CSMD1: variants seen among roughly 807,000 people sequenced by gnomAD.
CSMD1 encodes CUB and Sushi multiple domains 1.
A neutral mutation model predicts 417.5 loss-of-function variants in CSMD1; 213 were observed. The observed-to-expected ratio is 0.51, with a 90% CI of 0.46 to 0.57. The LOEUF (loss-of-function observed/expected upper bound fraction) is 0.57, where lower values mean the gene tolerates loss of function less well. Ranked by LOEUF, CSMD1 falls within the 20% of genes least tolerant of loss-of-function variation. The probability of loss-of-function intolerance (pLI) is 0.00; values close to 1 mark genes in which losing one functional copy is unlikely to be tolerated. For synonymous variants in CSMD1, 2,862 were observed against 1,736.8 expected, an observed-to-expected ratio of 1.65 and a Z score of -16.11; for missense variants, 6,923 against 4,529.7, an observed-to-expected ratio of 1.53 and a Z score of -15.17.
intron 3 of CSMD1, among the ~76,000 whole-genome samples, chr8:4,411,217 A>G (rs1796635231): frequency 6.6e-6 from 1 of 152,212 alleles, no homozygotes; most frequent in Non-Finnish European, 1.5e-5. Context: ...CCCATCAAGT[A>G]CAAATATTAA....
At chr8:4,222,645 C>A (rs373647901) in intron 3 of CSMD1, among the ~76,000 whole-genome samples, 4 of 152,180 alleles carry the variant, frequency 2.6e-5, no homozygotes, top group Non-Finnish European at 5.9e-5. Context: ...ATTTCTGAAT[C>A]AATGTGACGG....
chr8:3,836,359 T>A (rs1407252105), intron 5 of CSMD1, among the ~76,000 whole-genome samples: 1 of 152,168 alleles, frequency 6.6e-6, no homozygotes, highest in African/African-American at 2.4e-5. Flanking sequence ...ACTAGCTATA[T>A]CCTTGTGGGA....
chr8:4,746,108 T>G (rs1001515416), intron 1 of CSMD1, among the ~76,000 whole-genome samples: 1 of 152,216 alleles, frequency 6.6e-6, no homozygotes, highest in Non-Finnish European at 1.5e-5. Context: ...TCACTTGTGC[T>G]CCTCCTGCTG....
chr8:4,263,536 G>C (rs924950496), intron 3 of CSMD1, among the ~76,000 whole-genome samples: 4 of 152,076 alleles, frequency 2.6e-5, no homozygotes, highest in African/African-American at 9.7e-5. Context: ...CTTGATATTA[G>C]CTACTTTGAT....
intron 4 of CSMD1, among the ~76,000 whole-genome samples, chr8:4,015,289 G>C (rs1009003971): frequency 2.0e-5 from 3 of 152,096 alleles, no homozygotes; most frequent in East Asian, 3.8e-4. Context: ...AAATATCGCA[G>C]AATTTATAGG....
intron 1 of CSMD1, among the ~76,000 whole-genome samples, chr8:4,852,655 A>G (rs1801545921): frequency 6.6e-6 from 1 of 152,170 alleles, no homozygotes; most frequent in Non-Finnish European, 1.5e-5. Flanking sequence ...GGTAATGGGT[A>G]GAGATTGGAA....
chr8:3,596,442 A>G (rs1801099154), intron 8 of CSMD1, among the ~76,000 whole-genome samples: 1 of 152,304 alleles, frequency 6.6e-6, no homozygotes, highest in African/African-American at 2.4e-5. Context: ...CAAATCACAG[A>G]TGAGAACGAG....
At chr8:3,765,505 T>C (rs891018380) in intron 5 of CSMD1, among the ~76,000 whole-genome samples, 16 of 152,238 alleles carry the variant, frequency 1.1e-4, no homozygotes, top group Admixed American at 7.2e-4. Context: ...ACTGAGGGCA[T>C]TGGTGCTAAC....
At chr8:3,747,556 G>A (rs563721570) in intron 6 of CSMD1, among the ~76,000 whole-genome samples, 3 of 151,610 alleles carry the variant, frequency 2.0e-5, no homozygotes, top group African/African-American at 7.3e-5. Flanking sequence ...TACATGTAGA[G>A]GCAGTTTGTC....
At chr8:3,004,335 G>A (rs1216846208) in intron 52 of CSMD1, among the ~76,000 whole-genome samples, 4 of 152,168 alleles carry the variant, frequency 2.6e-5, no homozygotes, top group Non-Finnish European at 5.9e-5. Context: ...AACAGTCACA[G>A]CTCGGACATC....
At chr8:4,764,206 G>C (rs188952960) in intron 1 of CSMD1, among the ~76,000 whole-genome samples, 2 of 152,300 alleles carry the variant, frequency 1.3e-5, no homozygotes, top group South Asian at 4.1e-4. Flanking sequence ...GTGTTTTTCA[G>C]AGGTAGATAA....
In CSMD1 at chr8:3,228,166, T is replaced by C. The variant is rs570199531; in HGVS notation, c.4345+1874A>G. On this transcript the variant is annotated intron_variant, in intron 27 of 69. Transcript: ENST00000635120. ...TCTCCAGGTAAAAAGATGACAACTT[T>C]TTTCTCCTCTTTGATTTAATTATAG... Among the ~76,000 whole-genome samples the C allele has an allele frequency of 9.8e-5, 15 of 152,324 alleles. No homozygotes were observed. In the South Asian group the frequency reaches 1.0e-3, roughly 11 times the overall value.
At chr8:3,227,849 C>A (rs1798607304) in intron 27 of CSMD1, among the ~76,000 whole-genome samples, 1 of 151,462 alleles carries the variant, frequency 6.6e-6, no homozygotes. Context: ...CTCACTGCAA[C>A]TTCTAGCTCC....
intron 25 of CSMD1, among the ~76,000 whole-genome samples, chr8:3,288,312 C>A (rs904143687): frequency 6.8e-6 from 1 of 146,892 alleles, no homozygotes; most frequent in Admixed American, 6.7e-5. Context: ...ATGATGTTGG[C>A]CTCATAAAAC....
intron 1 of CSMD1, among the ~76,000 whole-genome samples, chr8:4,812,086 A>T (rs1224214074): frequency 6.6e-6 from 1 of 152,210 alleles, no homozygotes; most frequent in Non-Finnish European, 1.5e-5. Context: ...ATCATCGAAA[A>T]TTCCTACGCA....
rs545475590 is a variant in CSMD1, at chr8:4,942,084, T to C, written c.85+52248A>G. Among the ~76,000 whole-genome samples the C allele has an allele frequency of 6.6e-5, 10 of 152,322 alleles. No homozygotes were observed. The South Asian group carries it at 1.9e-3, about 28-fold the overall frequency. Reference sequence around the variant, plus strand: ...TTTAAGAATCTCTCTTCACTTCCTATTTTTACAGGTAACATTCCACAATTC... The same window carrying C: ...TTTAAGAATCTCTCTTCACTTCCTACTTTTACAGGTAACATTCCACAATTC... On this transcript the variant is annotated intron_variant, in intron 1 of 69. Transcript: ENST00000635120.
chr8:4,148,144 C>T (rs912471126), intron 3 of CSMD1, among the ~76,000 whole-genome samples: 2 of 152,108 alleles, frequency 1.3e-5, no homozygotes, highest in Non-Finnish European at 2.9e-5. Flanking sequence ...TGAAGCTCAA[C>T]TTAGAGTCAA....
intron 2 of CSMD1, among the ~76,000 whole-genome samples, chr8:4,535,356 T>C (rs1797051332): frequency 1.3e-5 from 2 of 152,198 alleles, no homozygotes; most frequent in South Asian, 4.1e-4. Flanking sequence ...AGTTTATTTA[T>C]TGCTATTTTT....
At chr8:3,697,759 T>C (rs904140575) in intron 7 of CSMD1, among the ~76,000 whole-genome samples, 2 of 152,200 alleles carry the variant, frequency 1.3e-5, no homozygotes, top group African/African-American at 4.8e-5. Context: ...AAAATTCATG[T>C]GTTACAATGC....
Sources: gnomAD v4.1 joint callset for allele counts (sites outside exome capture counted in the v4.1 genomes callset) on GRCh38, gnomAD v4.1.1 for gene constraint, MANE v1.5 for transcripts, NCBI Gene and HGNC (gene_info 2026-07-23, HGNC 2026-07-21) for gene names.